PRKAR1B: variants seen among roughly 807,000 people sequenced by gnomAD.
PRKAR1B encodes the protein cAMP-dependent protein kinase type I-beta regulatory subunit.
PRKAR1B carries 22 observed loss-of-function variants against 46.5 expected under a neutral mutation model. The observed-to-expected ratio is 0.47, with a 90% CI of 0.34 to 0.68. The LOEUF is 0.68. Ranked by LOEUF, PRKAR1B falls within the 30% of genes least tolerant of loss-of-function variation. PRKAR1B has a pLI of 0.01. For synonymous variants in PRKAR1B, 259 were observed against 217.7 expected, an observed-to-expected ratio of 1.19 and a Z score of -1.67; for missense variants, 445 against 535.6, an observed-to-expected ratio of 0.83 and a Z score of 1.67.
intron 7 of PRKAR1B, among the ~76,000 whole-genome samples, chr7:588,726 G>A (rs1279630986): frequency 5.4e-5 from 6 of 110,342 alleles, no homozygotes; most frequent in African/African-American, 1.6e-4. Flanking sequence ...GGTGATGGTG[G>A]TGAGGATAGT....
intron 2 of PRKAR1B, among the ~76,000 whole-genome samples, chr7:697,435 G>C (rs185436965): frequency 6.6e-6 from 1 of 152,268 alleles, no homozygotes; most frequent in Non-Finnish European, 1.5e-5. Flanking sequence ...AGAGGCGGCT[G>C]ATCCACCCCG....
rs181734717 is a variant in PRKAR1B at position 625,732 on chromosome 7, C to T, written c.441-18280G>A. Reference sequence around the variant, plus strand: ...TTATGAAAAACTCTATGAGACCAGGCACGGTGGCTCATGCCTGTAATCCCA... The same window carrying T: ...TTATGAAAAACTCTATGAGACCAGGTACGGTGGCTCATGCCTGTAATCCCA... On this transcript the variant is annotated intron_variant, in intron 4 of 10. Transcript: ENST00000537384. 1.9e-3 allele frequency among the ~76,000 whole-genome samples: 288 copies of T among 152,294 alleles called. 2 individuals carry two copies. Among genetic ancestry groups the T allele is most frequent in the African/African-American group, 6.6e-3 (274 of 41,564 alleles).
chr7:575,151 C>T (rs1009911112), intron 9 of PRKAR1B, among the ~76,000 whole-genome samples: 38 of 152,358 alleles, frequency 2.5e-4, no homozygotes, highest in African/African-American at 9.1e-4. Context: ...CACTCGGGGT[C>T]TCCCCTGGGG....
At chr7:630,462 G>A (rs139437778) in intron 4 of PRKAR1B, among the ~76,000 whole-genome samples, 3 of 152,330 alleles carry the variant, frequency 2.0e-5, no homozygotes, top group African/African-American at 7.2e-5. Flanking sequence ...TCTGAGGCCT[G>A]TGGGTACCCA....
intron 4 of PRKAR1B, among the ~76,000 whole-genome samples, chr7:619,397 T>A (rs565433003): frequency 1.3e-5 from 2 of 152,248 alleles, no homozygotes; most frequent in African/African-American, 4.8e-5. Context: ...TTACGCACAG[T>A]TGCTCATTTA....
chr7:554,330 C>A (rs532296226), intron 9 of PRKAR1B, among the ~76,000 whole-genome samples: 2 of 152,406 alleles, frequency 1.3e-5, no homozygotes, highest in South Asian at 4.1e-4. Flanking sequence ...CGTTATTTGT[C>A]TGGACAGCCC....
chr7:604,697 G>T lies in PRKAR1B; in HGVS notation c.549+1496C>A, dbSNP rs533745994. Among the ~76,000 whole-genome samples, 8 of 152,330 alleles carry T rather than the reference G, an allele frequency of 5.3e-5. No individual in the cohort carries two copies. The South Asian group carries it at 1.7e-3, about 32-fold the overall frequency. ...GGGGACAGACTCCGCGGCTGCCACG[G>T]AAACAAATGAGTAAATGCCCTCCCC... On this transcript the variant is annotated intron_variant, in intron 6 of 10. Transcript: ENST00000537384.
At chr7:581,957 G>C (rs775140114) in intron 8 of PRKAR1B, among the ~76,000 whole-genome samples, 4 of 152,168 alleles carry the variant, frequency 2.6e-5, no homozygotes, top group Non-Finnish European at 4.4e-5. Context: ...GGCCTCAAGT[G>C]ATCCTCCCAC....
chr7:566,348 TATC>T (rs755026787), intron 9 of PRKAR1B, among the ~76,000 whole-genome samples: 49 of 41,614 alleles, frequency 1.2e-3, no homozygotes, highest in African/African-American at 1.5e-3. Context: ...TCATCACCAT[TATC>T]ATCATCACCA....
At chr7:645,851 C>A (rs1370405312) in intron 4 of PRKAR1B, among the ~76,000 whole-genome samples, 1 of 152,162 alleles carries the variant, frequency 6.6e-6, no homozygotes, top group Non-Finnish European at 1.5e-5. Flanking sequence ...TTGCCGTCCA[C>A]TCGCCAGTCA....
At chr7:689,973 G>A (rs557576696) in intron 2 of PRKAR1B, among the ~76,000 whole-genome samples, 4 of 150,576 alleles carry the variant, frequency 2.7e-5, no homozygotes, top group South Asian at 2.2e-4. Context: ...GAGCCACCGC[G>A]CCTGGCCGAG....
At chr7:703,472 G>A (rs781643841) in intron 2 of PRKAR1B, among the ~76,000 whole-genome samples, 2 of 152,026 alleles carry the variant, frequency 1.3e-5, no homozygotes, top group African/African-American at 2.4e-5. Flanking sequence ...GGCTAACACA[G>A]TGAAACCCCA....
intron 9 of PRKAR1B, among the ~76,000 whole-genome samples, chr7:577,402 TAC>T (rs1383599951): frequency 2.6e-5 from 4 of 152,076 alleles, no homozygotes; most frequent in African/African-American, 7.2e-5. Context: ...CGATGACAGG[TAC>T]AGAGTTGGGG....
chr7:657,679 T>C (rs974221975), intron 4 of PRKAR1B, among the ~76,000 whole-genome samples: 5 of 152,214 alleles, frequency 3.3e-5, no homozygotes, highest in Non-Finnish European at 7.3e-5. Flanking sequence ...CTTCCACAGC[T>C]GTTCCTGGGA....
chr7:708,192 C>T (rs1393815117), intron 2 of PRKAR1B, among the ~76,000 whole-genome samples: 3 of 152,042 alleles, frequency 2.0e-5, no homozygotes, highest in Admixed American at 6.6e-5. Context: ...GGAGCCATCC[C>T]AATACACCTC....
At chr7:607,724 T>C (rs28715444) in intron 4 of PRKAR1B, 40,081 of 368,462 alleles carry the variant, frequency 0.11, 3,931 homozygotes, top group African/African-American at 0.35. Context: ...AATGGGGTCA[T>C]GCCATACATG....
intron 4 of PRKAR1B, among the ~76,000 whole-genome samples, chr7:664,767 A>T (rs564981355): frequency 5.7e-4 from 86 of 151,068 alleles, no homozygotes; most frequent in African/African-American, 2.1e-3. Context: ...AAAAAAAAAT[A>T]GCTGGGTGTG....
intron 8 of PRKAR1B, among the ~76,000 whole-genome samples, chr7:581,410 T>C (rs1236846108): frequency 6.6e-6 from 1 of 151,806 alleles, no homozygotes; most frequent in Non-Finnish European, 1.5e-5. Context: ...CACCTGACAA[T>C]TAAATGATGC....
chr7:622,860 G>C (rs1285666430), intron 4 of PRKAR1B, among the ~76,000 whole-genome samples: 1 of 152,198 alleles, frequency 6.6e-6, no homozygotes, highest in Non-Finnish European at 1.5e-5. Flanking sequence ...CTATCCAGGG[G>C]GAAAGAGTGG....
Sources: gnomAD v4.1 joint callset for allele counts (sites outside exome capture counted in the v4.1 genomes callset) on GRCh38, gnomAD v4.1.1 for gene constraint, MANE v1.5 for transcripts, NCBI Gene and HGNC (gene_info 2026-07-23, HGNC 2026-07-21) for gene names.